The following MBOAT2 variants were observed in gnomAD, a reference collection of about 807,000 sequenced individuals.
MBOAT2 encodes membrane-bound glycerophospholipid O-acyltransferase 2.
MBOAT2 carries 28 observed loss-of-function variants against 63.4 expected under a neutral mutation model. The observed-to-expected ratio is 0.44, with a 90% CI of 0.33 to 0.61. The LOEUF (loss-of-function observed/expected upper bound fraction) is 0.61, where lower values mean the gene tolerates loss of function less well. Ranked by LOEUF, MBOAT2 falls within the 20% of genes least tolerant of loss-of-function variation. The pLI is 0.03. For synonymous variants in MBOAT2, 211 were observed against 215.6 expected (o/e 0.98, Z 0.19); for missense variants, 470 against 605.8 (o/e 0.78, Z 2.35).
Position 9,003,549 on chromosome 2 carries a change from G to A in MBOAT2, c.66C>T (p.Pro22=), listed in dbSNP as rs1403733619. 5 of 1,223,214 alleles carry A rather than the reference G, an allele frequency of 4.1e-6. No individual in the cohort carries two copies. The highest frequency in any genetic ancestry group is 4.1e-6 in the Non-Finnish European group (4 of 976,860). 75.8% of individuals were successfully genotyped at this position (1,223,214 alleles called of 1,614,324 possible). ...LQPLSNAVQL[P]IDQVNFVVCQ... is the part of the protein sequence containing the mutation. ...GGGCGCCTCGGGGTACCTGGTCGAT[G>A]GGCAGCTGCACGGCGTTGCTGAGGG... Residue 22 remains proline, a synonymous_variant, in exon 1 of 13, where the codon CCC becomes CCT. Coordinates refer to ENST00000305997, the MANE Select transcript of MBOAT2 (RefSeq NM_138799.4). The surrounding 1 kb of genome is among the most constrained non-coding windows in gnomAD (Gnocchi z 5.4).
chr2:8,910,048 A>C (rs920388734), intron 3 of MBOAT2, among the ~76,000 whole-genome samples: 1 of 152,226 alleles, frequency 6.6e-6, no homozygotes, highest in Admixed American at 6.5e-5. Context: ...GGTGTGAACC[A>C]TAATTAACCT....
chr2:8,985,362 C>A (rs1453329377), intron 1 of MBOAT2, among the ~76,000 whole-genome samples: 1 of 152,114 alleles, frequency 6.6e-6, no homozygotes, highest in Non-Finnish European at 1.5e-5. Context: ...TCTGAAAATA[C>A]ATGGAATTCT....
chr2:8,936,352 T>C (rs1667658504), intron 3 of MBOAT2, among the ~76,000 whole-genome samples: 1 of 152,238 alleles, frequency 6.6e-6, no homozygotes, highest in Non-Finnish European at 1.5e-5. Flanking sequence ...TTATTCAAAT[T>C]GGTGGGCAGC....
At chr2:8,945,588 C>T (rs1467681645) in intron 2 of MBOAT2, among the ~76,000 whole-genome samples, 1 of 152,070 alleles carries the variant, frequency 6.6e-6, no homozygotes, top group African/African-American at 2.4e-5. Context: ...TCAGTATATT[C>T]CAACTAACAT....
chr2:8,860,144 T>C (rs191822948), intron 12 of MBOAT2, among the ~76,000 whole-genome samples: 14 of 152,128 alleles, frequency 9.2e-5, no homozygotes, highest in African/African-American at 2.4e-4. Flanking sequence ...CCGAGCGAGA[T>C]TGCACCACTG....
At chr2:8,933,277 A>T (rs889247938) in intron 3 of MBOAT2, among the ~76,000 whole-genome samples, 4 of 152,214 alleles carry the variant, frequency 2.6e-5, no homozygotes, top group African/African-American at 9.6e-5. Flanking sequence ...CTACCTAGTT[A>T]TGTTTCAGTA....
chr2:8,871,170 A>T (rs886212623), intron 8 of MBOAT2, among the ~76,000 whole-genome samples: 1 of 151,812 alleles, frequency 6.6e-6, no homozygotes, highest in Non-Finnish European at 1.5e-5. Context: ...AATTAAAAAA[A>T]TTTTTTTTGA....
chr2:8,862,709 G>A lies in MBOAT2; in HGVS notation c.1066C>T (p.Arg356Ter), dbSNP rs140299461. 1.9e-6 allele frequency: 3 copies of A among 1,613,512 alleles called. No homozygotes were observed. Among genetic ancestry groups the A allele is most frequent in the Non-Finnish European group, 1.7e-6 (2 of 1,179,778 alleles). The change falls in exon 11 of 13, where the codon CGA becomes TGA. Residue 356 changes from arginine (R) to a stop codon, truncating the protein, a stop_gained. Coordinates refer to ENST00000305997, the MANE Select transcript of MBOAT2 (RefSeq NM_138799.4). LOFTEE classifies it high-confidence loss of function. This position sits in a 1 kb window ranked among gnomAD's most constrained non-coding sequence, Gnocchi z 4.3. ...TGGATAGTTGGACTGAAGGAGGTTC[G>A]TTCATAACACACCCTAGAAACCATG... ...ALWLKRVCYE[R>*]TSFSPTIQTF...
At chr2:8,863,174 C>T (rs1248504806) in intron 10 of MBOAT2, among the ~76,000 whole-genome samples, 2 of 152,094 alleles carry the variant, frequency 1.3e-5, no homozygotes, top group African/African-American at 4.8e-5. Flanking sequence ...AATAAAGTTT[C>T]CCTAAGGTAT....
chr2:8,897,970 G>C (rs557476726), intron 4 of MBOAT2, among the ~76,000 whole-genome samples: 3 of 152,304 alleles, frequency 2.0e-5, no homozygotes, highest in African/African-American at 7.2e-5. Flanking sequence ...CAGATAGTGA[G>C]ATCCTTTCCT....
At position 8,856,440 on chromosome 2, in the gene MBOAT2, A is replaced by G. The variant is rs1267567015; in HGVS notation, c.*2239T>C. 6.6e-6 allele frequency: 1 copy of G among 152,170 alleles called. No individual in the cohort carries two copies. Among genetic ancestry groups the G allele is most frequent in the Non-Finnish European group, 1.5e-5 (1 of 68,042 alleles). The allele number at this position is 152,170 out of a possible 1,614,324, so 9.4% of individuals were successfully genotyped here. On this transcript the variant is annotated 3_prime_UTR_variant, in exon 13 of 13. Transcript: ENST00000305997. The surrounding 1 kb of genome is among the most constrained non-coding windows in gnomAD (Gnocchi z 4.2). ...CTTAATTTGTTCACTTTCTCTTAAT[A>G]GCAGTCGGATTCTCTGCAACATTAA...
At chr2:8,913,114 TG>T (rs994162522) in intron 3 of MBOAT2, among the ~76,000 whole-genome samples, 3 of 151,908 alleles carry the variant, frequency 2.0e-5, no homozygotes, top group Admixed American at 6.6e-5. Context: ...TTTCAACAAA[TG>T]GATAATTGGC....
intron 1 of MBOAT2, among the ~76,000 whole-genome samples, chr2:8,964,036 C>G (rs182286114): frequency 6.6e-6 from 1 of 152,288 alleles, no homozygotes; most frequent in East Asian, 1.9e-4. Context: ...AGACACTAAA[C>G]CATTAGATGC....
chr2:8,924,980 A>C (rs1666839828), intron 3 of MBOAT2, among the ~76,000 whole-genome samples: 1 of 152,182 alleles, frequency 6.6e-6, no homozygotes, highest in South Asian at 2.1e-4. Flanking sequence ...ATAAGTACAT[A>C]TAAAAAAACA....
At chr2:8,916,073 G>A (rs552392206) in intron 3 of MBOAT2, among the ~76,000 whole-genome samples, 204 of 152,300 alleles carry the variant, frequency 1.3e-3, no homozygotes, top group African/African-American at 3.9e-3. Flanking sequence ...CTGTTGGCAC[G>A]TCTACATGTG....
At position 8,922,330 on chromosome 2, in the gene MBOAT2, T is replaced by C. The variant is rs139380773; in HGVS notation, c.300-13614A>G. ...GTTGTTTTGTCTGGTAAACCCAACA[T>C]GTGGGTCCGTTTAGAGGCAGTTTCA... On this transcript the variant is annotated intron_variant, in intron 3 of 12. Transcript: ENST00000305997. Among the ~76,000 whole-genome samples, 1,042 of 152,354 alleles carry C rather than the reference T, an allele frequency of 6.8e-3. 11 individuals are homozygous for C. Among genetic ancestry groups the C allele is most frequent in the African/African-American group, 0.024 (978 of 41,584 alleles).
At chr2:8,919,678 C>T (rs1429652861) in intron 3 of MBOAT2, among the ~76,000 whole-genome samples, 3 of 152,046 alleles carry the variant, frequency 2.0e-5, no homozygotes, top group Non-Finnish European at 2.9e-5. Context: ...CTCTTCATTT[C>T]CTTAAAGGTG....
chr2:8,882,513 T>C lies in MBOAT2; in HGVS notation c.504A>G (p.Val168=). Residue 168 remains valine (V), a splice_region_variant and synonymous_variant, in exon 6 of 13, where the codon GTA becomes GTG. Transcript: ENST00000305997. Reference sequence around the variant, plus strand: ...GAATAGGATGCAAAGGCACGTACCTTACAGCTAAATCCCTCTGTGAGGAAG... The same window carrying C: ...GAATAGGATGCAAAGGCACGTACCTCACAGCTAAATCCCTCTGTGAGGAAG... ...ELTSSQRDLA[V]RRMPSLLEYL... is the part of the protein sequence containing the mutation. 1.9e-6 allele frequency: 3 copies of C among 1,614,198 alleles called. No individual in the cohort carries two copies. The highest frequency in any genetic ancestry group is 2.5e-6 in the Non-Finnish European group (3 of 1,180,004).
chr2:9,000,786 G>A (rs980499258), intron 1 of MBOAT2, among the ~76,000 whole-genome samples: 4 of 152,074 alleles, frequency 2.6e-5, no homozygotes, highest in African/African-American at 9.7e-5. Flanking sequence ...CTACATTTAC[G>A]CTACACTGAA....
Sources: allele counts gnomAD v4.1 joint callset (sites outside exome capture counted in the v4.1 genomes callset), GRCh38; gene constraint gnomAD v4.1.1; non-coding constraint Gnocchi (gnomAD v3.1); transcripts MANE v1.5; gene names NCBI Gene and HGNC (gene_info 2026-07-23, HGNC 2026-07-21).